The following SAMMSON variants were observed in gnomAD, a reference collection of about 807,000 sequenced individuals.
SAMMSON encodes survival associated mitochondrial melanoma specific oncogenic non-coding RNA.
At chr3:70,331,407 T>C (rs1702620495) in intron 7 of SAMMSON, among the ~76,000 whole-genome samples, 1 of 152,168 alleles carries the variant, frequency 6.6e-6, no homozygotes, top group Non-Finnish European at 1.5e-5. Context: ...TTCTCTCTTA[T>C]CAGAACAAGA....
intron 4 of SAMMSON, among the ~76,000 whole-genome samples, chr3:70,099,367 G>A (rs1482467703): frequency 6.6e-6 from 1 of 152,026 alleles, no homozygotes; most frequent in Non-Finnish European, 1.5e-5. Context: ...TCCACATTTT[G>A]ATTGCACTCG....
intron 4 of SAMMSON, among the ~76,000 whole-genome samples, chr3:70,228,448 A>T (rs1425709841): frequency 6.6e-6 from 1 of 151,822 alleles, no homozygotes; most frequent in African/African-American, 2.4e-5. Context: ...TGCTTCACTG[A>T]TAGAGATTCA....
chr3:70,073,873 GTCT>G (rs1487246681), intron 4 of SAMMSON, among the ~76,000 whole-genome samples: 7 of 152,002 alleles, frequency 4.6e-5, no homozygotes, highest in African/African-American at 1.7e-4. Context: ...TATTATCTGT[GTCT>G]TCTTTTATTA....
chr3:70,352,845 C>G (rs1363363938), intron 7 of SAMMSON, among the ~76,000 whole-genome samples: 1 of 151,856 alleles, frequency 6.6e-6, no homozygotes, highest in Admixed American at 6.6e-5. Context: ...TATTTTATAG[C>G]TATAGAAATC....
chr3:70,363,775 T>C (rs1034372905), intron 9 of SAMMSON, among the ~76,000 whole-genome samples: 1 of 150,038 alleles, frequency 6.7e-6, no homozygotes, highest in African/African-American at 2.5e-5. Flanking sequence ...TAAAGCTGTT[T>C]TTTACAGTTG....
At chr3:70,153,508 T>TA (rs528347724) in intron 4 of SAMMSON, among the ~76,000 whole-genome samples, 16 of 149,840 alleles carry the variant, frequency 1.1e-4, no homozygotes, top group East Asian at 3.9e-4. Flanking sequence ...GTCATAAATT[T>TA]AAAAAAAAAA....
intron 4 of SAMMSON, among the ~76,000 whole-genome samples, chr3:70,092,307 G>A (rs910722474): frequency 6.6e-6 from 1 of 151,872 alleles, no homozygotes. Flanking sequence ...ATGGGTATAT[G>A]AGAATATACA....
chr3:70,314,742 A>T (rs907591354), intron 7 of SAMMSON, among the ~76,000 whole-genome samples: 1 of 152,152 alleles, frequency 6.6e-6, no homozygotes, highest in South Asian at 2.1e-4. Context: ...ATATTTTAAA[A>T]TTCCAAGATG....
chr3:70,204,749 T>G (rs56178488), intron 4 of SAMMSON: 31,208 of 151,664 alleles, frequency 0.21, 3,713 homozygotes, highest in Non-Finnish European at 0.27. Context: ...AAGAGTTAGG[T>G]GTCATGCTAG....
intron 4 of SAMMSON, among the ~76,000 whole-genome samples, chr3:70,163,870 T>C (rs945284254): frequency 1.3e-5 from 2 of 152,056 alleles, no homozygotes; most frequent in Non-Finnish European, 2.9e-5. Context: ...TACCAAACAC[T>C]AGGTTTACTT....
intron 7 of SAMMSON, among the ~76,000 whole-genome samples, chr3:70,322,470 C>T (rs932952861): frequency 6.6e-6 from 1 of 152,096 alleles, no homozygotes; most frequent in Non-Finnish European, 1.5e-5. Flanking sequence ...GACAGACAAC[C>T]ATGCTTTCTT....
rs148751723 is a variant in SAMMSON, at chr3:70,378,431, C to T, written n.914-11143C>T. ...AAAATGTCCTCTGCATGGGAATTTA[C>T]ACTTATCAATTATAGGAAGAAGGAT... On this transcript the variant is annotated intron_variant and non_coding_transcript_variant, in intron 9 of 9. Coordinates refer to ENST00000642114, the Ensembl canonical transcript of SAMMSON. Among the ~76,000 whole-genome samples, 128 of 152,108 alleles carry T rather than the reference C, an allele frequency of 8.4e-4. 2 individuals are homozygous for T. The highest frequency in any genetic ancestry group is 3.0e-3 in the African/African-American group (126 of 41,530).
intron 4 of SAMMSON, among the ~76,000 whole-genome samples, chr3:70,228,610 T>C (rs1159948039): frequency 6.6e-6 from 1 of 151,618 alleles, no homozygotes; most frequent in Non-Finnish European, 1.5e-5. Context: ...TGGAACCTGA[T>C]GAAACATTTA....
intron 4 of SAMMSON, among the ~76,000 whole-genome samples, chr3:70,121,891 T>G (rs2067436113): frequency 1.3e-5 from 2 of 151,942 alleles, no homozygotes; most frequent in Non-Finnish European, 2.9e-5. Flanking sequence ...GGATCCCCCC[T>G]GCACAATGTT....
chr3:70,019,905 A>C (rs1390339846), intron 3 of SAMMSON, among the ~76,000 whole-genome samples: 2 of 152,184 alleles, frequency 1.3e-5, no homozygotes, highest in Non-Finnish European at 2.9e-5. Context: ...ACTTATTGGC[A>C]ACTTGGGTAA....
At chr3:70,203,718 C>G (rs1023475687) in intron 4 of SAMMSON, among the ~76,000 whole-genome samples, 1 of 152,116 alleles carries the variant, frequency 6.6e-6, no homozygotes, top group African/African-American at 2.4e-5. Flanking sequence ...TTTGAGGTAT[C>G]TTGTATTTAT....
intron 2 of SAMMSON, among the ~76,000 whole-genome samples, chr3:70,414,632 C>T (rs1282496894): frequency 1.3e-5 from 2 of 152,042 alleles, no homozygotes; most frequent in African/African-American, 4.8e-5. Context: ...GTTGGCTAAA[C>T]TATTTTAGAG....
At chr3:70,165,061 G>A (rs1369618232) in intron 4 of SAMMSON, among the ~76,000 whole-genome samples, 3 of 151,992 alleles carry the variant, frequency 2.0e-5, no homozygotes, top group Non-Finnish European at 4.4e-5. Context: ...CTACTAAATG[G>A]TCAAGTTAAC....
chr3:70,182,241 G>A (rs995966156), intron 4 of SAMMSON, among the ~76,000 whole-genome samples: 1 of 152,092 alleles, frequency 6.6e-6, no homozygotes, highest in Non-Finnish European at 1.5e-5. Flanking sequence ...AGAAAGGGGT[G>A]GGGGAGCTGA....
Sources: allele counts gnomAD v4.1 joint callset (sites outside exome capture counted in the v4.1 genomes callset), GRCh38; gene constraint gnomAD v4.1.1; transcripts MANE v1.5; gene names NCBI Gene and HGNC (gene_info 2026-07-23, HGNC 2026-07-21).